LDLRAD4: variants seen among roughly 807,000 people sequenced by gnomAD.
LDLRAD4 encodes the protein low-density lipoprotein receptor class A domain-containing protein 4.
LDLRAD4 carries 5 observed loss-of-function variants against 17.0 expected under a neutral mutation model. The ratio of observed to expected loss-of-function variants is 0.29; its 90% confidence interval spans 0.15 to 0.62. LDLRAD4 has a LOEUF of 0.62. LDLRAD4 is among the 20% of genes least tolerant of loss of function. The pLI is 0.84. For synonymous variants in LDLRAD4, 168 were observed against 171.8 expected, an observed-to-expected ratio of 0.98 and a Z score of 0.17; for missense variants, 340 against 424.7, an observed-to-expected ratio of 0.80 and a Z score of 1.75.
intron 3 of LDLRAD4, chr18:13,613,397 A>G (rs1056599387): frequency 6.6e-6 from 1 of 152,186 alleles, no homozygotes; most frequent in Admixed American, 6.5e-5. Context: ...GCACTTTCCT[A>G]AATTAATAAT....
At chr18:13,501,703 G>A (rs1161200892) in intron 3 of LDLRAD4, among the ~76,000 whole-genome samples, 3 of 151,758 alleles carry the variant, frequency 2.0e-5, no homozygotes, top group Admixed American at 2.0e-4. Context: ...GAAACATGAC[G>A]TGCCTGTGTG....
intron 3 of LDLRAD4, among the ~76,000 whole-genome samples, chr18:13,534,489 A>G (rs1005730159): frequency 3.9e-5 from 6 of 152,208 alleles, no homozygotes. Flanking sequence ...GCAACAGGAA[A>G]GCTTTAAGAA....
At chr18:13,380,784 G>A (rs909913886) in intron 1 of LDLRAD4, among the ~76,000 whole-genome samples, 22 of 152,132 alleles carry the variant, frequency 1.4e-4, no homozygotes, top group Admixed American at 8.5e-4. Flanking sequence ...TCCTGAATTG[G>A]TGACCTACAG....
rs534199258 is a variant in LDLRAD4 at position 13,565,492 on chromosome 18, A to G, written c.182-55625A>G. ...GCCACACAGCCAGGGTGGCGGGGAT[A>G]ACAGCCCCTTGTCATCGCAGGGTTG... is the stretch of plus-strand genomic sequence containing the variant. On this transcript the variant is annotated intron_variant, in intron 3 of 5. Coordinates refer to ENST00000359446, the Ensembl canonical transcript of LDLRAD4. Among the ~76,000 whole-genome samples, 3 of 152,358 alleles carry G rather than the reference A, an allele frequency of 2.0e-5. No individual in the cohort carries two copies. The East Asian group carries it at 5.8e-4, about 29-fold the overall frequency.
chr18:13,464,196 G>C (rs964324209), intron 3 of LDLRAD4, among the ~76,000 whole-genome samples: 1 of 152,152 alleles, frequency 6.6e-6, no homozygotes, highest in Non-Finnish European at 1.5e-5. Flanking sequence ...AAACACAACT[G>C]TTTCTCCATA....
At chr18:13,272,646 C>T (rs1217287494) in intron 1 of LDLRAD4, among the ~76,000 whole-genome samples, 1 of 152,208 alleles carries the variant, frequency 6.6e-6, no homozygotes, top group Non-Finnish European at 1.5e-5. Context: ...CTTGCTGCAG[C>T]TTTGTTAGGA....
rs946859671 is a variant in LDLRAD4 at position 13,398,262 on chromosome 18, T to C, written c.40+10500T>C. 6.6e-6 allele frequency among the ~76,000 whole-genome samples: 1 copy of C among 152,114 alleles called. No homozygotes were observed. Among genetic ancestry groups the C allele is most frequent in the African/African-American group, 2.4e-5 (1 of 41,416 alleles). On this transcript the variant is annotated intron_variant, in intron 2 of 5. Coordinates refer to ENST00000359446, the Ensembl canonical transcript of LDLRAD4. The surrounding 1 kb of genome is among the most constrained non-coding windows in gnomAD (Gnocchi z 4.8). ...TGTTCTAAGTTGGAAAATACAAACT[T>C]TTCCATGTGTACCTTAGATAACCTC...
chr18:13,256,718 G>C (rs569415881), intron 1 of LDLRAD4, among the ~76,000 whole-genome samples: 1 of 152,196 alleles, frequency 6.6e-6, no homozygotes, highest in Non-Finnish European at 1.5e-5. Context: ...TTGAAAACGA[G>C]AGCCCTGGTA....
chr18:13,570,263 G>A (rs760830643), intron 3 of LDLRAD4, among the ~76,000 whole-genome samples: 1 of 152,212 alleles, frequency 6.6e-6, no homozygotes, highest in Non-Finnish European at 1.5e-5. Flanking sequence ...TGGTCTGTGC[G>A]CAGGTCAGCC....
intron 4 of LDLRAD4, among the ~76,000 whole-genome samples, chr18:13,625,449 C>T (rs1427659450): frequency 6.6e-6 from 1 of 152,136 alleles, no homozygotes; most frequent in Non-Finnish European, 1.5e-5. Flanking sequence ...CGGCCCCTCG[C>T]CTCCTCTACA....
In LDLRAD4 at chr18:13,448,497, G is replaced by A. The variant is rs918609652; in HGVS notation, c.181+10113G>A. On this transcript the variant is annotated intron_variant, in intron 3 of 5. Transcript: ENST00000359446. ...TGCCTGGCTGCGCTTGGGTGCCTGC[G>A]TAGTCGTGATGCTTGTCTTCCTAAT... 1.1e-4 allele frequency among the ~76,000 whole-genome samples: 17 copies of A among 152,304 alleles called. No individual in the cohort carries two copies. The East Asian group carries it at 1.3e-3, about 12-fold the overall frequency.
chr18:13,553,577 C>G (rs1016009853), intron 3 of LDLRAD4, among the ~76,000 whole-genome samples: 1 of 152,136 alleles, frequency 6.6e-6, no homozygotes, highest in East Asian at 1.9e-4. Context: ...ACATGATGTT[C>G]CCTGAGCTGT....
intron 3 of LDLRAD4, among the ~76,000 whole-genome samples, chr18:13,508,698 A>G (rs998241403): frequency 1.3e-5 from 2 of 152,232 alleles, no homozygotes. Flanking sequence ...CAGGAAAAAA[A>G]AAGATTCCTT....
rs1276605361 is a variant in LDLRAD4 at position 13,327,792 on chromosome 18, TC to T, written c.-383+49606del. Among the ~76,000 whole-genome samples, 2 of 152,136 alleles carry T rather than the reference TC, an allele frequency of 1.3e-5. 1 individual carries two copies. The highest frequency in any genetic ancestry group is 3.9e-4 in the East Asian group (2 of 5,188). On this transcript the variant is annotated intron_variant, in intron 1 of 5. Transcript: ENST00000359446. ...CAGGCTCTTTGAGAGCAGCAGGTCTTCCTGCTCAGGGCCTTGCTGGTGCTGT... is the reference window on the plus strand; with the variant it reads ...CAGGCTCTTTGAGAGCAGCAGGTCTTCTGCTCAGGGCCTTGCTGGTGCTGT...
chr18:13,321,087 G>T (rs914824660), intron 1 of LDLRAD4, among the ~76,000 whole-genome samples: 1 of 152,216 alleles, frequency 6.6e-6, no homozygotes, highest in Non-Finnish European at 1.5e-5. Context: ...GATGAAGGCA[G>T]CAAGCAGAGG....
chr18:13,505,734 C>T (rs548677557), intron 3 of LDLRAD4, among the ~76,000 whole-genome samples: 280 of 152,244 alleles, frequency 1.8e-3, no homozygotes, highest in African/African-American at 6.5e-3. Context: ...AGGAGAATGG[C>T]ATGAACCTGG....
At chr18:13,522,075 T>C (rs1466700851) in intron 3 of LDLRAD4, 2 of 152,068 alleles carry the variant, frequency 1.3e-5, no homozygotes, top group African/African-American at 2.4e-5. Context: ...ATCATTTTTT[T>C]CCCCTAAAGC....
chr18:13,218,375 A>T (rs1287327217), upstream of LDLRAD4, among the ~76,000 whole-genome samples: 2 of 151,890 alleles, frequency 1.3e-5, no homozygotes, highest in Non-Finnish European at 2.9e-5. Flanking sequence ...GCCGACCCCC[A>T]CCCCGTTTTC....
At chr18:13,458,402 C>T (rs2092260120) in intron 3 of LDLRAD4, among the ~76,000 whole-genome samples, 1 of 152,202 alleles carries the variant, frequency 6.6e-6, no homozygotes, top group Non-Finnish European at 1.5e-5. Flanking sequence ...CCACAAGCAC[C>T]ATCCTGGGTG....
Sources: allele counts gnomAD v4.1 joint callset (sites outside exome capture counted in the v4.1 genomes callset), GRCh38; gene constraint gnomAD v4.1.1; non-coding constraint Gnocchi (gnomAD v3.1); transcripts MANE v1.5; gene names NCBI Gene and HGNC (gene_info 2026-07-23, HGNC 2026-07-21).